The following PRKCH variants were observed in gnomAD, a reference collection of about 807,000 sequenced individuals.
PRKCH encodes protein kinase C eta.
In PRKCH, 28 loss-of-function variants were observed where a neutral mutation model predicts 82.5. The observed-to-expected ratio is 0.34, with a 90% CI of 0.25 to 0.47. PRKCH has a LOEUF of 0.47. Among genes scored for constraint, PRKCH ranks in the 20% least tolerant of loss-of-function variants. The pLI is 1.00. For missense variants in PRKCH, 705 were observed against 881.8 expected (o/e 0.80, Z 2.54); for synonymous variants, 322 against 327.4 (o/e 0.98, Z 0.18).
intron 9 of PRKCH, among the ~76,000 whole-genome samples, chr14:61,475,642 C>T (rs760198866): frequency 2.6e-5 from 4 of 152,088 alleles, no homozygotes; most frequent in African/African-American, 7.2e-5. Context: ...GAACTGGCAT[C>T]GGGAATAGCA....
intron 2 of PRKCH, among the ~76,000 whole-genome samples, chr14:61,422,964 A>G (rs746676198): frequency 3.3e-5 from 5 of 152,238 alleles, no homozygotes; most frequent in Non-Finnish European, 7.3e-5. Flanking sequence ...TCATTCAAAT[A>G]TCCATATTTC....
chr14:61,245,579 A>C (rs533547072), intron 1 of PRKCH, among the ~76,000 whole-genome samples: 6 of 152,280 alleles, frequency 3.9e-5, no homozygotes, highest in Non-Finnish European at 5.9e-5. Context: ...GTTCCTCCCC[A>C]CCAAAGGGGC....
chr14:61,374,518 A>T (rs2046405001), intron 1 of PRKCH, among the ~76,000 whole-genome samples: 1 of 151,956 alleles, frequency 6.6e-6, no homozygotes, highest in Admixed American at 6.6e-5. Flanking sequence ...AGATGTTTCC[A>T]TACCTCTTCT....
intron 1 of PRKCH, among the ~76,000 whole-genome samples, chr14:61,332,296 G>C (rs1337641685): frequency 1.9e-4 from 29 of 152,204 alleles, no homozygotes; most frequent in Admixed American, 1.8e-3. Flanking sequence ...AATTTTATGA[G>C]ACAGGAAATT....
chr14:61,457,603 T>G lies in PRKCH; in HGVS notation c.1202T>G (p.Met401Arg). The part of the protein sequence containing the change: ...ILQDDDVECT[M>R]TEKRILSLAR... ...CAGGATGATGATGTGGAATGCACCA[T>G]GACCGAGAAAAGGATCCTGTCTCTG... Residue 401 changes from methionine (M) to arginine (R), a missense_variant, in exon 9 of 14, where the codon ATG (methionine) becomes AGG (arginine). By Grantham distance (91) the Met-to-Arg change is moderately conservative. Around this residue, in one of 5 missense-constraint regions of PRKCH, gnomAD observed 238 missense variants for 258.1 expected, o/e 0.92. Coordinates refer to ENST00000332981, the MANE Select transcript of PRKCH (RefSeq NM_006255.5). The G allele has an allele frequency of 6.2e-7, 1 of 1,614,196 alleles. No individual in the cohort carries two copies. Among genetic ancestry groups the G allele is most frequent in the South Asian group, 1.1e-5 (1 of 91,076 alleles).
intron 1 of PRKCH, among the ~76,000 whole-genome samples, chr14:61,236,380 T>C (rs970423218): frequency 6.6e-6 from 1 of 151,850 alleles, no homozygotes; most frequent in African/African-American, 2.4e-5. Context: ...AAGATACAGG[T>C]CATAAAGACC....
intron 12 of PRKCH, among the ~76,000 whole-genome samples, chr14:61,541,784 G>C (rs2043189494): frequency 6.6e-6 from 1 of 152,186 alleles, no homozygotes. Flanking sequence ...TTTGGGCCCA[G>C]TTATTTCAAG....
chr14:61,350,562 ACT>A (rs1008364744), intron 1 of PRKCH, among the ~76,000 whole-genome samples: 2 of 151,666 alleles, frequency 1.3e-5, no homozygotes, highest in African/African-American at 4.9e-5. Context: ...TACAACAGAG[ACT>A]CTCTTCTCAC....
At chr14:61,351,001 T>A (rs576816752) in intron 1 of PRKCH, among the ~76,000 whole-genome samples, 11 of 152,332 alleles carry the variant, frequency 7.2e-5, no homozygotes, top group African/African-American at 1.9e-4. Context: ...ATCCTTTTGA[T>A]GAAGCACCAC....
intron 2 of PRKCH, among the ~76,000 whole-genome samples, chr14:61,418,503 G>C (rs1027349895): frequency 6.6e-6 from 1 of 152,228 alleles, no homozygotes; most frequent in Non-Finnish European, 1.5e-5. Flanking sequence ...GAGATGTATC[G>C]TGTGGCTCTG....
intron 2 of PRKCH, among the ~76,000 whole-genome samples, chr14:61,423,452 G>T (rs1021524572): frequency 2.0e-5 from 3 of 152,170 alleles, no homozygotes; most frequent in African/African-American, 7.2e-5. Context: ...TGCACAGAAG[G>T]GCAATAGAAT....
At chr14:61,349,793 G>A (rs1251887092) in intron 1 of PRKCH, among the ~76,000 whole-genome samples, 1 of 152,048 alleles carries the variant, frequency 6.6e-6, no homozygotes, top group Non-Finnish European at 1.5e-5. Context: ...CCTGGGAGGC[G>A]GAGGCTGCAG....
At chr14:61,400,967 G>C (rs564982859) in intron 2 of PRKCH, among the ~76,000 whole-genome samples, 3 of 151,986 alleles carry the variant, frequency 2.0e-5, no homozygotes, top group Non-Finnish European at 2.9e-5. Context: ...AGTTGGGGGT[G>C]GGGGGGCAGC....
intron 1 of PRKCH, among the ~76,000 whole-genome samples, chr14:61,340,148 CA>C (rs1294947093): frequency 6.6e-6 from 1 of 152,006 alleles, no homozygotes; most frequent in Non-Finnish European, 1.5e-5. Flanking sequence ...CTGCCCTGTT[CA>C]TTTTTCTTCC....
At chr14:61,210,772 CTCTCTCTCTCTCTCTCTCTG>C (rs1250963330) in intron 1 of PRKCH, among the ~76,000 whole-genome samples, 3 of 135,146 alleles carry the variant, frequency 2.2e-5, no homozygotes, top group East Asian at 2.2e-4. Flanking sequence ...CTCTCTCTCT[CTCTCTCTCTCTCTCTCTCTG>C]TGTGTGTGTG....
intron 10 of PRKCH, among the ~76,000 whole-genome samples, chr14:61,497,098 A>C (rs1566913938): frequency 6.6e-6 from 1 of 152,190 alleles, no homozygotes; most frequent in Non-Finnish European, 1.5e-5. Context: ...ATTTATTTGG[A>C]TCTGACTTCG....
In PRKCH at chr14:61,457,157, T is replaced by C. The variant is rs1884806819; in HGVS notation, c.961-19T>C. The C allele has an allele frequency of 3.1e-6, 5 of 1,612,568 alleles. No homozygotes were observed. The highest frequency in any genetic ancestry group is 1.7e-5 in the Admixed American group (1 of 59,806). On this transcript the variant is annotated intron_variant, in intron 7 of 13. Coordinates refer to ENST00000332981, the MANE Select transcript of PRKCH (RefSeq NM_006255.5). ...GCTTCTGCTGCAATTTCTGACTTAATGTGTTCTTACTCTTTCAGAAACTCG... is the reference window on the plus strand; with the variant it reads ...GCTTCTGCTGCAATTTCTGACTTAACGTGTTCTTACTCTTTCAGAAACTCG...
chr14:61,310,960 T>C (rs1201708657), intron 1 of PRKCH, among the ~76,000 whole-genome samples: 2 of 152,238 alleles, frequency 1.3e-5, no homozygotes, highest in Admixed American at 6.5e-5. Flanking sequence ...CTGAGCTGTA[T>C]GTTGGCCCCT....
In PRKCH at chr14:61,384,508, G is replaced by A. The variant is rs925718458; in HGVS notation, c.364-6717G>A. On this transcript the variant is annotated intron_variant, in intron 1 of 13. Transcript: ENST00000332981. ...AAGATTGAATGGCCTTCCTGATGTC[G>A]CAGATTGGTCAGGACAGAGCACCAG... is the stretch of plus-strand genomic sequence containing the variant. 1.3e-4 allele frequency among the ~76,000 whole-genome samples: 20 copies of A among 151,932 alleles called. 1 individual carries two copies. The highest frequency in any genetic ancestry group is 3.9e-4 in the African/African-American group (16 of 41,232).
Sources: gnomAD v4.1 joint callset for allele counts (sites outside exome capture counted in the v4.1 genomes callset) on GRCh38, gnomAD v4.1.1 for gene constraint, gnomAD v4.1.1 regional missense constraint, MANE v1.5 for transcripts, NCBI Gene and HGNC (gene_info 2026-07-23, HGNC 2026-07-21) for gene names.